CEP83: variants seen among roughly 807,000 people sequenced by gnomAD.
CEP83 encodes centrosomal protein of 83 kDa.
Under a neutral mutation model 101.9 loss-of-function variants are expected in CEP83, and 70 were observed. That is an observed-to-expected ratio of 0.69 (90% CI 0.57 to 0.84). The LOEUF is 0.84. CEP83 is among the 40% of genes least tolerant of loss of function. The probability of loss-of-function intolerance (pLI) is 0.00; values close to 1 mark genes in which losing one functional copy is unlikely to be tolerated. For synonymous variants in CEP83, 264 were observed against 267.9 expected, an observed-to-expected ratio of 0.99 and a Z score of 0.14; for missense variants, 715 against 787.2, an observed-to-expected ratio of 0.91 and a Z score of 1.10.
intron 6 of CEP83, among the ~76,000 whole-genome samples, chr12:94,395,667 CA>C (rs1366604480): frequency 1.3e-5 from 2 of 152,026 alleles, no homozygotes; most frequent in South Asian, 2.1e-4. Flanking sequence ...ACTAAAAACA[CA>C]AAAAAATTAG....
the CEP83 span, among the ~76,000 whole-genome samples, chr12:94,285,933 G>A: frequency 2.3e-3 from 357 of 152,294 alleles, 1 homozygote; most frequent in African/African-American, 8.3e-3. Context: ...CATGGGGTGG[G>A]CCGCAGAGGC....
In CEP83 at chr12:94,368,543, G is replaced by A. The variant is rs564876300; in HGVS notation, c.1049-342C>T. 25 of 173,482 alleles carry A rather than the reference G, an allele frequency of 1.4e-4. No homozygotes were observed. In the South Asian group the frequency reaches 4.3e-3, roughly 30 times the overall value. 10.7% of individuals were successfully genotyped at this position (173,482 alleles called of 1,614,324 possible). On this transcript the variant is annotated intron_variant, in intron 9 of 16. Transcript: ENST00000397809. ...TACTTCACCTCTAAAGAGGTTCTGT[G>A]ACCTAAGCCTCATAGAAAAAGCTGG...
the CEP83 span, chr12:94,279,583 AT>A: frequency 6.2e-7 from 1 of 1,614,186 alleles, no homozygotes; most frequent in Non-Finnish European, 8.5e-7. Context: ...CAAAGAAAAG[AT>A]TTTCCAAGCA....
At chr12:94,364,717 T>A (rs2060937348) in intron 11 of CEP83, among the ~76,000 whole-genome samples, 1 of 152,128 alleles carries the variant, frequency 6.6e-6, no homozygotes, top group Non-Finnish European at 1.5e-5. Context: ...AGTCCAGAAA[T>A]ATACCCAAGT....
At chr12:94,274,627 T>A in the CEP83 span, among the ~76,000 whole-genome samples, 11,017 of 152,274 alleles carry the variant, frequency 0.072, 847 homozygotes, top group African/African-American at 0.19. Context: ...CAGTGTACAT[T>A]TCACAGCTCT....
the CEP83 span, chr12:94,297,357 G>C: frequency 9.9e-6 from 16 of 1,613,946 alleles, no homozygotes; most frequent in Non-Finnish European, 4.2e-6. Context: ...TGCAAGGAAA[G>C]AGACATCGAG....
chr12:94,401,165 A>G (rs548667545), intron 5 of CEP83, 184 bp from the exon 6 acceptor site: 51 of 287,628 alleles, frequency 1.8e-4, no homozygotes, highest in African/African-American at 8.5e-4. Context: ...TACATACAGA[A>G]GTAGTACATT....
the CEP83 span, among the ~76,000 whole-genome samples, chr12:94,300,191 T>C: frequency 6.6e-6 from 1 of 152,066 alleles, no homozygotes; most frequent in Non-Finnish European, 1.5e-5. Context: ...CTAAATGCAA[T>C]ATGCAAACAG....
chr12:94,394,259 A>G (rs2062745109), intron 6 of CEP83, among the ~76,000 whole-genome samples: 1 of 152,200 alleles, frequency 6.6e-6, no homozygotes, highest in Non-Finnish European at 1.5e-5. Context: ...AGCTTTTGGT[A>G]CTGGTACCAA....
downstream of CEP83, among the ~76,000 whole-genome samples, chr12:94,304,699 G>A (rs1968819307): frequency 6.6e-6 from 1 of 152,122 alleles, no homozygotes. Flanking sequence ...GTAGGGTAGA[G>A]GCAATGAGTT....
chr12:94,444,308 T>C (rs925633462), intron 1 of CEP83, among the ~76,000 whole-genome samples: 7 of 152,032 alleles, frequency 4.6e-5, no homozygotes, highest in African/African-American at 1.2e-4. Flanking sequence ...TGAGAGAGGA[T>C]AATCACTTGA....
At chr12:94,454,117 A>C in intron 1 of CEP83, among the ~76,000 whole-genome samples, 1 of 151,760 alleles carries the variant, frequency 6.6e-6, no homozygotes. Flanking sequence ...AAAAAATTAG[A>C]GTACCTATTA....
chr12:94,381,135 T>G (rs926410621), intron 6 of CEP83, among the ~76,000 whole-genome samples: 1 of 152,222 alleles, frequency 6.6e-6, no homozygotes, highest in African/African-American at 2.4e-5. Context: ...CCTCTGCTGA[T>G]GCAGAGCTTA....
intron 8 of CEP83, among the ~76,000 whole-genome samples, chr12:94,372,148 A>G (rs1407562898): frequency 6.6e-6 from 1 of 151,974 alleles, no homozygotes; most frequent in African/African-American, 2.4e-5. Context: ...TAAATTTTGT[A>G]TTTTTAGTAG....
intron 11 of CEP83, among the ~76,000 whole-genome samples, chr12:94,346,680 G>C (rs1045314707): frequency 2.6e-5 from 4 of 152,172 alleles, no homozygotes; most frequent in Admixed American, 1.3e-4. Context: ...TCCATATAGA[G>C]AGCAGTAGAA....
chr12:94,424,903 C>T (rs2065065804), intron 2 of CEP83: 35 of 1,600,146 alleles, frequency 2.2e-5, no homozygotes, highest in Non-Finnish European at 3.0e-5. Flanking sequence ...ACACATATGG[C>T]TTCTTGTTGT....
intron 11 of CEP83, among the ~76,000 whole-genome samples, chr12:94,363,780 C>G (rs2060890290): frequency 6.6e-6 from 1 of 151,792 alleles, no homozygotes; most frequent in Non-Finnish European, 1.5e-5. Flanking sequence ...GAAACGGCAT[C>G]TCTACAAAAA....
At chr12:94,349,207 C>T (rs528633239) in intron 11 of CEP83, among the ~76,000 whole-genome samples, 36 of 151,418 alleles carry the variant, frequency 2.4e-4, no homozygotes, top group African/African-American at 7.5e-4. Context: ...AATCGCTGAA[C>T]CCAGGAGGTG....
rs139143525 is a variant in CEP83, at chr12:94,388,436, G to T, written c.550-9394C>A. Among the ~76,000 whole-genome samples, 624 of 152,236 alleles carry T rather than the reference G, an allele frequency of 4.1e-3. 2 individuals are homozygous for T. Among genetic ancestry groups the T allele is most frequent in the African/African-American group, 0.014 (578 of 41,542 alleles). ...CAATAGAACTGGGGACTACCAGAGAGGGGAGAGGATGAGGGGGAAAGGGCT... is the reference window on the plus strand; with the variant it reads ...CAATAGAACTGGGGACTACCAGAGATGGGAGAGGATGAGGGGGAAAGGGCT... On this transcript the variant is annotated intron_variant, in intron 6 of 16. Coordinates refer to ENST00000397809, the MANE Select transcript of CEP83 (RefSeq NM_016122.3).
Sources: allele counts gnomAD v4.1 joint callset (sites outside exome capture counted in the v4.1 genomes callset), GRCh38; gene constraint gnomAD v4.1.1; transcripts MANE v1.5; gene names NCBI Gene and HGNC (gene_info 2026-07-23, HGNC 2026-07-21).